The following CSMD1 variants were observed in gnomAD, a reference collection of about 807,000 sequenced individuals.
CSMD1 encodes the protein CUB and sushi domain-containing protein 1.
CSMD1 carries 213 observed loss-of-function variants against 417.5 expected under a neutral mutation model. The ratio of observed to expected loss-of-function variants is 0.51; its 90% confidence interval spans 0.46 to 0.57. The LOEUF (loss-of-function observed/expected upper bound fraction) is 0.57. CSMD1 is among the 20% of genes least tolerant of loss of function. CSMD1 has a pLI of 0.00. For missense variants in CSMD1, 6,923 were observed against 4,529.7 expected (o/e 1.53, Z -15.17); for synonymous variants, 2,862 against 1,736.8 (o/e 1.65, Z -16.11).
intron 3 of CSMD1, among the ~76,000 whole-genome samples, chr8:4,177,952 A>T (rs1385454698): frequency 6.6e-6 from 1 of 152,180 alleles, no homozygotes; most frequent in African/African-American, 2.4e-5. Context: ...CTTATCAACC[A>T]AAAAGAGTCC....
chr8:3,457,188 G>T (rs1379861759), intron 12 of CSMD1, among the ~76,000 whole-genome samples: 3 of 150,692 alleles, frequency 2.0e-5, no homozygotes, highest in Admixed American at 1.3e-4. Context: ...TCCTCATCGT[G>T]GACTCCTAAC....
At chr8:3,513,502 A>C (rs1346095122) in intron 10 of CSMD1, among the ~76,000 whole-genome samples, 1 of 151,994 alleles carries the variant, frequency 6.6e-6, no homozygotes, top group Non-Finnish European at 1.5e-5. Context: ...TGATCGTGTG[A>C]GTCAATACTC....
At position 2,955,611 on chromosome 8, in the gene CSMD1, T is replaced by A. The variant is rs1585047238; in HGVS notation, c.9972A>T (p.Thr3324=). Residue 3324 remains threonine, a synonymous_variant, in exon 64 of 70, where the codon ACA becomes ACT. Transcript: ENST00000635120. The part of the protein sequence containing the change: ...HRTCKADMKW[T]GKSPVCKSKG... ...TACTTTTACACACAGGCGACTTTCCTGTCCATTTCATGTCTGCTTTACATG... is the reference window on the plus strand; with the variant it reads ...TACTTTTACACACAGGCGACTTTCCAGTCCATTTCATGTCTGCTTTACATG... The A allele has an allele frequency of 6.2e-7, 1 of 1,613,784 alleles. No individual in the cohort carries two copies. The highest frequency in any genetic ancestry group is 2.2e-5 in the East Asian group (1 of 44,870).
intron 5 of CSMD1, among the ~76,000 whole-genome samples, chr8:3,898,650 A>T (rs555497766): frequency 6.6e-6 from 1 of 152,324 alleles, no homozygotes; most frequent in Admixed American, 6.5e-5. Flanking sequence ...TTTTGAATCC[A>T]CATGCAGACC....
chr8:3,469,008 G>C, intron 11 of CSMD1, 184 bp from the exon 12 acceptor site: 1 of 449,156 alleles, frequency 2.2e-6, no homozygotes, highest in South Asian at 4.4e-5. Flanking sequence ...TATCACTGGT[G>C]CTTTACAGAA....
chr8:2,972,172 T>C (rs1804516715), intron 57 of CSMD1, among the ~76,000 whole-genome samples: 1 of 152,110 alleles, frequency 6.6e-6, no homozygotes, highest in South Asian at 2.1e-4. Context: ...ACATTATTTC[T>C]ATTTACCTAT....
At chr8:3,091,194 G>C (rs1400876500) in intron 48 of CSMD1, among the ~76,000 whole-genome samples, 1 of 151,650 alleles carries the variant, frequency 6.6e-6, no homozygotes, top group African/African-American at 2.4e-5. Flanking sequence ...TTTTCTATTT[G>C]TTTGCTTACC....
chr8:3,949,632 T>G (rs998489643), intron 5 of CSMD1, among the ~76,000 whole-genome samples: 2 of 151,996 alleles, frequency 1.3e-5, no homozygotes, highest in African/African-American at 2.4e-5. Context: ...GAGATGATTT[T>G]AGGTACAAGA....
intron 11 of CSMD1, among the ~76,000 whole-genome samples, chr8:3,482,081 C>A (rs1297902722): frequency 6.6e-6 from 1 of 151,914 alleles, no homozygotes; most frequent in Admixed American, 6.6e-5. Context: ...AATTAAAAAA[C>A]AAAACTTAAT....
chr8:3,423,109 A>G lies in CSMD1; in HGVS notation c.1562-13504T>C, dbSNP rs75391088. 6.6e-3 allele frequency among the ~76,000 whole-genome samples: 1,004 copies of G among 152,048 alleles called. 36 individuals are homozygous for G. In the East Asian group the frequency reaches 0.097, roughly 15 times the overall value. ...AGATTAAATTATTTTGGGGTCACTT[A>G]TTATTACTCATCATAGTTCAATGAT... On this transcript the variant is annotated intron_variant, in intron 12 of 69. Transcript: ENST00000635120.
At chr8:3,236,646 A>C (rs1312475760) in intron 26 of CSMD1, among the ~76,000 whole-genome samples, 1 of 152,220 alleles carries the variant, frequency 6.6e-6, no homozygotes, top group Admixed American at 6.5e-5. Flanking sequence ...CAGGCTCTTC[A>C]CAAAGTGATT....
At chr8:3,641,247 G>A (rs924887997) in intron 7 of CSMD1, among the ~76,000 whole-genome samples, 19 of 152,048 alleles carry the variant, frequency 1.2e-4, no homozygotes, top group African/African-American at 4.1e-4. Flanking sequence ...TGACTCATGG[G>A]TCCCTGAGCA....
chr8:4,578,285 C>A (rs368120553), intron 2 of CSMD1, among the ~76,000 whole-genome samples: 3 of 147,970 alleles, frequency 2.0e-5, no homozygotes, highest in African/African-American at 5.1e-5. Context: ...CTCAGCCTCC[C>A]GAGTAGAGTA....
At position 3,581,373 on chromosome 8, in the gene CSMD1, T is replaced by C. The variant is rs534225253; in HGVS notation, c.1222+4763A>G. ...CAAACAAAATCACTTGTATAATTACTGAGCTATGACAACCATTCATCTGTT... is the reference window on the plus strand; with the variant it reads ...CAAACAAAATCACTTGTATAATTACCGAGCTATGACAACCATTCATCTGTT... On this transcript the variant is annotated intron_variant, in intron 9 of 69. Coordinates refer to ENST00000635120, the MANE Select transcript of CSMD1 (RefSeq NM_033225.6). 6.5e-4 allele frequency among the ~76,000 whole-genome samples: 99 copies of C among 152,328 alleles called. 2 individuals are homozygous for C. In the South Asian group the frequency reaches 0.01, roughly 16 times the overall value.
intron 1 of CSMD1, among the ~76,000 whole-genome samples, chr8:4,960,159 A>T (rs1277357269): frequency 3.4e-4 from 52 of 152,188 alleles, no homozygotes; most frequent in Non-Finnish European, 1.5e-5. Flanking sequence ...TAGACCCACA[A>T]AACTCTTTTT....
At chr8:3,988,109 T>G (rs1307174035) in intron 5 of CSMD1, among the ~76,000 whole-genome samples, 3 of 152,182 alleles carry the variant, frequency 2.0e-5, no homozygotes, top group Non-Finnish European at 4.4e-5. Context: ...TTTATACCCT[T>G]TTGATGTCAC....
At chr8:4,225,312 A>G (rs973387395) in intron 3 of CSMD1, among the ~76,000 whole-genome samples, 2 of 152,102 alleles carry the variant, frequency 1.3e-5, no homozygotes, top group African/African-American at 4.8e-5. Context: ...TCTTTTCTGA[A>G]TCATCGAGAC....
At chr8:4,252,395 G>C (rs1440494619) in intron 3 of CSMD1, among the ~76,000 whole-genome samples, 1 of 152,114 alleles carries the variant, frequency 6.6e-6, no homozygotes, top group Non-Finnish European at 1.5e-5. Flanking sequence ...TCTTTTTCCA[G>C]TGATCAAAAC....
chr8:3,024,331 A>C (rs749225622), intron 51 of CSMD1, among the ~76,000 whole-genome samples: 1 of 150,972 alleles, frequency 6.6e-6, no homozygotes, highest in Admixed American at 6.6e-5. Context: ...TTGGGGACAG[A>C]GTATTGCTCT....
Sources: gnomAD v4.1 joint callset for allele counts (sites outside exome capture counted in the v4.1 genomes callset) on GRCh38, gnomAD v4.1.1 for gene constraint, MANE v1.5 for transcripts, NCBI Gene and HGNC (gene_info 2026-07-23, HGNC 2026-07-21) for gene names.